SOD2: variants seen among roughly 807,000 people sequenced by gnomAD.
SOD2 encodes superoxide dismutase [Mn], mitochondrial.
In SOD2, 11 loss-of-function variants were observed where a neutral mutation model predicts 27.0. The ratio of observed to expected loss-of-function variants is 0.41; its 90% CI spans 0.26 to 0.67. SOD2 has a LOEUF of 0.67. Among genes scored for constraint, SOD2 ranks in the 30% least tolerant of loss-of-function variants. The probability of loss-of-function intolerance (pLI) is 0.34; values close to 1 mark genes in which losing one functional copy is unlikely to be tolerated. For missense variants in SOD2, 250 were observed against 274.5 expected (o/e 0.91, Z 0.63); for synonymous variants, 105 against 103.0 (o/e 1.02, Z -0.12).
intron 1 of SOD2, among the ~76,000 whole-genome samples, chr6:159,705,291 G>C (rs925994916): frequency 1.3e-5 from 2 of 152,240 alleles, no homozygotes; most frequent in Non-Finnish European, 2.9e-5. Context: ...GACGAGTTGA[G>C]AGAAGAAGGC....
Position 159,672,658 on chromosome 6 carries a change from T to C in SOD2, c.*9835A>G, listed in dbSNP as rs547006358. ...AAAACATGCCAAATTGTAAAGACCA[T>C]TGAGGCTAGGAAGAAACTGCATCAA... On this transcript the variant is annotated 3_prime_UTR_variant, in exon 5 of 5. Coordinates refer to ENST00000538183, the MANE Select transcript of SOD2 (RefSeq NM_000636.4). The C allele has an allele frequency of 3.3e-5, 5 of 152,042 alleles. No homozygotes were observed. Among genetic ancestry groups the C allele is most frequent in the African/African-American group, 1.2e-4 (5 of 41,394 alleles). The allele number at this position is 152,042 out of a possible 1,614,324, so 9.4% of individuals were successfully genotyped here.
In SOD2 at chr6:159,677,530, C is replaced by T. The variant is rs573926075; in HGVS notation, c.*4963G>A. On this transcript the variant is annotated 3_prime_UTR_variant, in exon 5 of 5. Coordinates refer to ENST00000538183, the MANE Select transcript of SOD2 (RefSeq NM_000636.4). The stretch of plus-strand genomic sequence containing the variant: ...TTCCAATGACCAGAGTAAAATATCA[C>T]CAGAACTTTATGTAAAATACATCTT... The T allele has an allele frequency of 6.6e-6, 1 of 152,250 alleles. No individual in the cohort carries two copies. Among genetic ancestry groups the T allele is most frequent in the South Asian group, 2.1e-4 (1 of 4,824 alleles). 9.4% of individuals were successfully genotyped at this position (152,250 alleles called of 1,614,324 possible). A position where few individuals can be genotyped will look rare whatever the true frequency, so the allele number is the denominator to read the frequency against.
chr6:159,713,520 C>G (rs1777869787), intron 1 of SOD2: 1 of 688,334 alleles, frequency 1.5e-6, no homozygotes, highest in South Asian at 1.7e-5. Flanking sequence ...CCTGCGAAGC[C>G]AACTGCACAA....
intron 1 of SOD2, among the ~76,000 whole-genome samples, chr6:159,734,841 G>A (rs1233998240): frequency 1.3e-5 from 2 of 151,946 alleles, no homozygotes; most frequent in East Asian, 1.9e-4. Context: ...TCTTCATGTC[G>A]TATACTTTTT....
chr6:159,697,034 GAC>G (rs35334577), upstream of SOD2, among the ~76,000 whole-genome samples: 18,213 of 132,468 alleles, frequency 0.14, 1,083 homozygotes, highest in Middle Eastern at 0.21. Context: ...AGGAGACCCT[GAC>G]ACACACACAC....
At chr6:159,710,902 CCACTTACAT>C (rs1777730551) in intron 1 of SOD2, among the ~76,000 whole-genome samples, 1 of 150,436 alleles carries the variant, frequency 6.6e-6, no homozygotes, top group South Asian at 2.1e-4. Flanking sequence ...TCGACAACCA[CCACTTACAT>C]TGCTCTGATC....
chr6:159,755,177 A>G (rs1779956353), intron 1 of SOD2: 1 of 1,614,066 alleles, frequency 6.2e-7, no homozygotes, highest in Non-Finnish European at 8.5e-7. Context: ...AAGTACCAGC[A>G]GGACTACAGC....
chr6:159,714,751 G>A (rs1009377721), intron 1 of SOD2, among the ~76,000 whole-genome samples: 5 of 152,172 alleles, frequency 3.3e-5, no homozygotes, highest in Admixed American at 6.5e-5. Context: ...GTGGATGGGG[G>A]TAGGCTGCAG....
At chr6:159,693,643 T>C (rs367687151), upstream of SOD2, among the ~76,000 whole-genome samples, 3 of 152,294 alleles carry the variant, frequency 2.0e-5, no homozygotes, top group South Asian at 2.1e-4. Context: ...CCCTGAGTTT[T>C]GGTTGCGCTG....
chr6:159,695,991 G>A (rs963635994), upstream of SOD2, among the ~76,000 whole-genome samples: 51 of 152,340 alleles, frequency 3.3e-4, no homozygotes, highest in Admixed American at 1.3e-3. Context: ...ACCCACCACA[G>A]TACAGACCTA....
intron 3 of SOD2, among the ~76,000 whole-genome samples, chr6:159,687,440 G>A (rs961746164): frequency 1.3e-5 from 2 of 151,780 alleles, no homozygotes; most frequent in Non-Finnish European, 1.5e-5. Flanking sequence ...AGCCGACATT[G>A]CACCACTGCG....
chr6:159,743,916 C>A, intron 1 of SOD2: 1 of 1,076,904 alleles, frequency 9.3e-7, no homozygotes, highest in Non-Finnish European at 1.2e-6. Context: ...GGTACGTATG[C>A]TTTGAGCTTT....
At chr6:159,698,294 C>CAAACA (rs1777462752) in intron 1 of SOD2, among the ~76,000 whole-genome samples, 1 of 146,332 alleles carries the variant, frequency 6.8e-6, no homozygotes, top group African/African-American at 2.5e-5. Flanking sequence ...AACAAACAAA[C>CAAACA]AAAAAACAAA....
In SOD2 at chr6:159,740,948, C is replaced by G. The variant is rs190170777; in HGVS notation, c.-116+4182G>C. On this transcript the variant is annotated intron_variant, in intron 1 of 3. Transcript: ENST00000537657. ...TGATTTCTTGACCTCATGATCTGCC[C>G]GCCTCGGCCTCCCAAAGTGCTGGGA... 3.9e-5 allele frequency among the ~76,000 whole-genome samples: 6 copies of G among 152,062 alleles called. No homozygotes were observed. The East Asian group carries it at 1.2e-3, about 29-fold the overall frequency.
intron 1 of SOD2, among the ~76,000 whole-genome samples, chr6:159,702,377 A>C (rs1583029820): frequency 2.0e-5 from 3 of 151,114 alleles, no homozygotes; most frequent in Admixed American, 2.0e-4. Flanking sequence ...GCTCACTGTA[A>C]CCTCCGCCTC....
chr6:159,677,970 C>T lies in SOD2; in HGVS notation c.*4523G>A, dbSNP rs151312010. 21 of 152,256 alleles carry T rather than the reference C, an allele frequency of 1.4e-4. No homozygotes were observed. The East Asian group carries it at 3.9e-3, about 28-fold the overall frequency. 9.4% of individuals were successfully genotyped at this position (152,256 alleles called of 1,614,324 possible). ...GACGGGGGGCTGCTTACCAGAAAGA[C>T]CAAGGCAAGATTGGAGGGTTTGGAC... On this transcript the variant is annotated 3_prime_UTR_variant, in exon 5 of 5. Transcript: ENST00000538183.
chr6:159,742,758 C>G (rs1311282821), intron 1 of SOD2, among the ~76,000 whole-genome samples: 1 of 152,018 alleles, frequency 6.6e-6, no homozygotes, highest in Non-Finnish European at 1.5e-5. Flanking sequence ...AAGTCATGAA[C>G]ATTGTGAAAG....
At chr6:159,693,081 G>A (rs1777310474) in intron 1 of SOD2, 64 bp downstream of exon 1, 7 of 1,509,692 alleles carry the variant, frequency 4.6e-6, no homozygotes, top group Admixed American at 4.3e-5. Context: ...CATTGCCGCG[G>A]AGGCCCTGCC....
chr6:159,756,638 G>C (rs1327825529), intron 1 of SOD2, among the ~76,000 whole-genome samples: 1 of 86,216 alleles, frequency 1.2e-5, no homozygotes, highest in East Asian at 3.3e-4. Context: ...GTCTTGCTTT[G>C]TCACTTAGGC....
Sources: gnomAD v4.1 joint callset for allele counts (sites outside exome capture counted in the v4.1 genomes callset) on GRCh38, gnomAD v4.1.1 for gene constraint, MANE v1.5 for transcripts, NCBI Gene and HGNC (gene_info 2026-07-23, HGNC 2026-07-21) for gene names.